The following DNAH12 variants were observed in gnomAD, a reference collection of about 807,000 sequenced individuals.
DNAH12 encodes the protein axonemal beta dynein heavy chain 12.
Under a neutral mutation model 371.5 loss-of-function variants are expected in DNAH12, and 285 were observed. The observed-to-expected ratio is 0.77, with a 90% confidence interval of 0.70 to 0.85. DNAH12 has a LOEUF of 0.85. DNAH12 is among the 40% of genes least tolerant of loss of function. DNAH12 has a pLI of 0.00. For synonymous variants in DNAH12, 1,200 were observed against 1,213.0 expected, an observed-to-expected ratio of 0.99 and a Z score of 0.22; for missense variants, 3,611 against 3,689.4, an observed-to-expected ratio of 0.98 and a Z score of 0.55.
intron 13 of DNAH12, among the ~76,000 whole-genome samples, chr3:57,480,766 T>C (rs147318719): frequency 8.5e-5 from 13 of 152,176 alleles, no homozygotes; most frequent in African/African-American, 2.4e-4. Context: ...TGGTTCAACA[T>C]ACGCAAATCA....
In DNAH12 at chr3:57,293,921, T is replaced by G; in HGVS notation, c.11743A>C (p.Lys3915Gln). 6.5e-7 allele frequency: 1 copy of G among 1,530,876 alleles called. No individual in the cohort carries two copies. The highest frequency in any genetic ancestry group is 8.8e-7 in the Non-Finnish European group (1 of 1,136,848). 94.8% of individuals were successfully genotyped at this position (1,530,876 alleles called of 1,614,324 possible). A position where few individuals can be genotyped will look rare whatever the true frequency, so the allele number is the denominator to read the frequency against. ...AGAGTTCCTTTACGTTCACTTGTCT[T>G]GTAGAGGGGACAGACATAGGCATCC... ...KSDAYVCPLY[K>Q]TSERKGTLST... Residue 3915 changes from lysine (K) to glutamine (Q), a missense_variant, in exon 74 of 74, where the codon AAG becomes CAG. Lys to Gln is a moderately conservative substitution (Grantham distance 53). This residue lies in a region of DNAH12 where 2,266 missense variants were observed against 2,236.9 expected (regional missense o/e 1.01). Coordinates refer to ENST00000495027, the MANE Select transcript of DNAH12 (RefSeq NM_001366028.2).
Position 57,322,476 on chromosome 3 carries a change from A to C in DNAH12, c.10391T>G (p.Val3464Gly). 6.4e-7 allele frequency: 1 copy of C among 1,551,484 alleles called. No homozygotes were observed. The highest frequency in any genetic ancestry group is 8.7e-7 in the Non-Finnish European group (1 of 1,146,928). The change falls in exon 65 of 74, where the codon GTA (valine) becomes GGA (glycine). Residue 3464 changes from valine to glycine, a missense_variant. By Grantham distance (109) the Val-to-Gly change is moderately radical. Coordinates refer to ENST00000495027, the MANE Select transcript of DNAH12 (RefSeq NM_001366028.2). Reference sequence around the variant, plus strand: ...TTTTACTCCATTCTGTAGAATTGTTACTGGGAACTAAGACAAAATAAATGG... The same window carrying C: ...TTTTACTCCATTCTGTAGAATTGTTCCTGGGAACTAAGACAAAATAAATGG... ...LTSYPSSKFP[V>G]TILQNGVKMT... is the part of the protein sequence containing the mutation.
In DNAH12 at chr3:57,496,103, T is replaced by C. The variant is rs987600968; in HGVS notation, c.1335+5218A>G. On this transcript the variant is annotated intron_variant, in intron 11 of 73. Coordinates refer to ENST00000495027, the MANE Select transcript of DNAH12 (RefSeq NM_001366028.2). ...TATGTATCCAAAACCAGAAATTCAA[T>C]AGCCTGTGGCAAACCGAATCCTGTC... Among the ~76,000 whole-genome samples, 5 of 151,630 alleles carry C rather than the reference T, an allele frequency of 3.3e-5. No homozygotes were observed. The Admixed American group carries it at 3.3e-4, about 10-fold the overall frequency.
chr3:57,457,593 C>A, intron 22 of DNAH12, 128 bp downstream of exon 22: 1 of 1,060,216 alleles, frequency 9.4e-7, no homozygotes, highest in Non-Finnish European at 1.3e-6. Flanking sequence ...ATGTTAGAAA[C>A]AAAGAAGTAA....
In DNAH12 at chr3:57,510,862, T is replaced by C. The variant is rs201184189; in HGVS notation, c.397A>G (p.Arg133Gly). 4.3e-6 allele frequency: 7 copies of C among 1,614,112 alleles called. No individual in the cohort carries two copies. The highest frequency in any genetic ancestry group is 5.9e-6 in the Non-Finnish European group (7 of 1,180,024). ...IPESLKEGKEREELLESLINE... is the reference protein window; with the variant it reads ...IPESLKEGKEGEELLESLINE... ...ATGAGACTTTCAAGAAGTTCTTCTC[T>C]TTCTTTCCCTTCCTTTAAAGACTCA... Residue 133 changes from arginine (R) to glycine (G), a missense_variant, in exon 5 of 74, where the codon AGA becomes GGA. Physicochemically the swap from Arg to Gly is moderately radical, Grantham distance 125. Transcript: ENST00000495027.
intron 4 of DNAH12, among the ~76,000 whole-genome samples, chr3:57,517,949 G>A (rs1250612032): frequency 6.6e-6 from 1 of 152,088 alleles, no homozygotes; most frequent in Non-Finnish European, 1.5e-5. Flanking sequence ...AGCTCCTCGG[G>A]AGGCTGAGGC....
chr3:57,423,673 C>T (rs775993567), intron 35 of DNAH12, among the ~76,000 whole-genome samples: 4 of 152,118 alleles, frequency 2.6e-5, no homozygotes, highest in Non-Finnish European at 5.9e-5. Flanking sequence ...CACTAAAAAC[C>T]TCTTTCCTCA....
chr3:57,480,620 G>T (rs1335430337), intron 13 of DNAH12, among the ~76,000 whole-genome samples: 3 of 151,244 alleles, frequency 2.0e-5, no homozygotes, highest in Non-Finnish European at 4.4e-5. Context: ...CACAACAAAA[G>T]AAGAATTTTA....
chr3:57,413,956 T>C (rs1418442598), intron 38 of DNAH12, 44 bp from the exon 39 acceptor site: 3 of 1,517,816 alleles, frequency 2.0e-6, no homozygotes, highest in Middle Eastern at 1.9e-4. Flanking sequence ...ATAATTGAAT[T>C]AGGGATTTAT....
chr3:57,449,227 G>A (rs1559673428), intron 25 of DNAH12, among the ~76,000 whole-genome samples: 2 of 152,216 alleles, frequency 1.3e-5, no homozygotes, highest in Admixed American at 6.5e-5. Context: ...CAATCCCTGA[G>A]CTAGACATAA....
chr3:57,486,125 G>A (rs976167347), intron 12 of DNAH12, among the ~76,000 whole-genome samples: 16 of 150,116 alleles, frequency 1.1e-4, no homozygotes, highest in Middle Eastern at 3.4e-3. Flanking sequence ...GGGCTGAGGA[G>A]ATTCCAGGAG....
intron 42 of DNAH12, 23 bp downstream of exon 42, chr3:57,404,946 G>T (rs1392271749): frequency 4.8e-6 from 7 of 1,445,396 alleles, no homozygotes; most frequent in Non-Finnish European, 6.3e-6. Context: ...GCAATTTCAA[G>T]CATCAACACC....
chr3:57,500,600 A>G (rs2067506738), intron 11 of DNAH12, among the ~76,000 whole-genome samples: 1 of 152,064 alleles, frequency 6.6e-6, no homozygotes, highest in African/African-American at 2.4e-5. Context: ...TATAAAATCT[A>G]TTTCAAAGCC....
At chr3:57,509,023 T>C in intron 6 of DNAH12, 117 bp downstream of exon 6, 4 of 873,332 alleles carry the variant, frequency 4.6e-6, no homozygotes, top group Middle Eastern at 3.3e-4. Context: ...ACTTTTTTTT[T>C]AGATGTGTTC....
chr3:57,530,431 G>A (rs902602364), intron 2 of DNAH12: 1 of 672,722 alleles, frequency 1.5e-6, no homozygotes, highest in East Asian at 2.6e-5. Flanking sequence ...GGGCCACACT[G>A]CTCTGGCCTT....
At chr3:57,350,032 G>A (rs1553659598) in intron 60 of DNAH12, among the ~76,000 whole-genome samples, 1 of 152,158 alleles carries the variant, frequency 6.6e-6, no homozygotes, top group African/African-American at 2.4e-5. Context: ...TTCACTTACT[G>A]TAATGTAAAA....
At position 57,509,854 on chromosome 3, in the gene DNAH12, T is replaced by C. The variant is rs543293143; in HGVS notation, c.470-642A>G. ...TCTATTCTGGGCGACAGAGTGAGAC[T>C]CCATCATAAAAAAAAAAAAAAAAAA... On this transcript the variant is annotated intron_variant, in intron 5 of 73. Coordinates refer to ENST00000495027, the MANE Select transcript of DNAH12 (RefSeq NM_001366028.2). 7.8e-5 allele frequency among the ~76,000 whole-genome samples: 7 copies of C among 89,666 alleles called. No homozygotes were observed. In the East Asian group the frequency reaches 2.3e-3, roughly 30 times the overall value. 58.8% of individuals were successfully genotyped at this position (89,666 alleles called of 152,430 possible). A position where few individuals can be genotyped will look rare whatever the true frequency, so the allele number is the denominator to read the frequency against.
chr3:57,533,388 T>C (rs1449830183), intron 2 of DNAH12, among the ~76,000 whole-genome samples: 2 of 152,276 alleles, frequency 1.3e-5, no homozygotes, highest in East Asian at 3.9e-4. Context: ...TTTCCTCTGC[T>C]TTTTTCAAGC....
At chr3:57,404,644 C>T (rs1182356972) in intron 42 of DNAH12, among the ~76,000 whole-genome samples, 2 of 151,950 alleles carry the variant, frequency 1.3e-5, no homozygotes, top group East Asian at 1.9e-4. Flanking sequence ...GGCTTGAACC[C>T]GGGAGGTGGA....
Sources: gnomAD v4.1 joint callset for allele counts (sites outside exome capture counted in the v4.1 genomes callset) on GRCh38, gnomAD v4.1.1 for gene constraint, gnomAD v4.1.1 regional missense constraint, MANE v1.5 for transcripts, NCBI Gene and HGNC (gene_info 2026-07-23, HGNC 2026-07-21) for gene names.